Variants in TENM3 observed in about 807,000 individuals in gnomAD.
TENM3 encodes teneurin-3.
TENM3 carries 63 observed loss-of-function variants against 255.1 expected under a neutral mutation model. That is an observed-to-expected ratio of 0.25 (90% CI 0.20 to 0.30). The LOEUF is 0.30. Ranked by LOEUF, TENM3 falls within the 10% of genes least tolerant of loss-of-function variation. The probability of loss-of-function intolerance (pLI) is 1.00; values close to 1 mark genes in which losing one functional copy is unlikely to be tolerated. For missense variants in TENM3, 2,929 were observed against 3,461.1 expected (o/e 0.85, Z 3.86); for synonymous variants, 1,306 against 1,322.3 (o/e 0.99, Z 0.27).
the TENM3 span, among the ~76,000 whole-genome samples, chr4:181,770,446 GGGT>G: frequency 6.6e-6 from 1 of 152,026 alleles, no homozygotes; most frequent in Non-Finnish European, 1.5e-5. Context: ...AGGCCAAGGT[GGGT>G]GGATCACGAG....
chr4:182,744,182 G>A, intron 19 of TENM3: 3 of 938,348 alleles, frequency 3.2e-6, no homozygotes, highest in Non-Finnish European at 3.8e-6. Flanking sequence ...CTTACCTTAA[G>A]GTTATTGTAT....
chr4:181,618,193 C>A, the TENM3 span, among the ~76,000 whole-genome samples: 1 of 152,168 alleles, frequency 6.6e-6, no homozygotes, highest in South Asian at 2.1e-4. Flanking sequence ...TGAGTTCCCG[C>A]AGGCACTCTA....
the TENM3 span, among the ~76,000 whole-genome samples, chr4:181,551,774 G>T: frequency 6.8e-6 from 1 of 146,422 alleles, no homozygotes; most frequent in Non-Finnish European, 1.5e-5. Context: ...GGTTTTATTT[G>T]TTATTTTGTA....
rs149134961 is a variant in TENM3, at chr4:182,285,579, C to G, written c.-75-38367C>G. On this transcript the variant is annotated intron_variant, in intron 1 of 27. Coordinates refer to ENST00000511685, the MANE Select transcript of TENM3 (RefSeq NM_001080477.4). Reference sequence around the variant, plus strand: ...GTATGACCTACAGATTGCAAGTCCTCTAGAAGGTGCATGAGGAAACTGCTC... The same window carrying G: ...GTATGACCTACAGATTGCAAGTCCTGTAGAAGGTGCATGAGGAAACTGCTC... Among the ~76,000 whole-genome samples the G allele has an allele frequency of 1.1e-3, 172 of 152,254 alleles. 2 individuals carry two copies. Among genetic ancestry groups the G allele is most frequent in the African/African-American group, 3.9e-3 (161 of 41,540 alleles).
chr4:182,198,355 C>G (rs1396666847), intron 1 of TENM3, among the ~76,000 whole-genome samples: 2 of 152,154 alleles, frequency 1.3e-5, no homozygotes, highest in African/African-American at 4.8e-5. Flanking sequence ...ATTACTTTTA[C>G]TGAGGGCAGG....
the TENM3 span, among the ~76,000 whole-genome samples, chr4:181,810,766 T>C: frequency 6.6e-6 from 1 of 152,054 alleles, no homozygotes; most frequent in East Asian, 1.9e-4. Flanking sequence ...CTTCCTCAAG[T>C]CAGATTTGCT....
chr4:182,637,176 A>T (rs2152486636), intron 5 of TENM3, among the ~76,000 whole-genome samples: 1 of 152,266 alleles, frequency 6.6e-6, no homozygotes, highest in South Asian at 2.1e-4. Flanking sequence ...TTCAGCATAA[A>T]ACCTTTAAGT....
intron 1 of TENM3, among the ~76,000 whole-genome samples, chr4:182,274,686 A>G (rs567626551): frequency 1.3e-5 from 2 of 152,290 alleles, no homozygotes; most frequent in Admixed American, 1.3e-4. Context: ...AGCTGAGGTC[A>G]TTTGACTTTG....
At chr4:182,392,992 A>G (rs1768542460) in intron 3 of TENM3, among the ~76,000 whole-genome samples, 1 of 152,172 alleles carries the variant, frequency 6.6e-6, no homozygotes, top group African/African-American at 2.4e-5. Flanking sequence ...GAAGTTAAAG[A>G]CTCAATGGAG....
the TENM3 span, among the ~76,000 whole-genome samples, chr4:181,828,127 C>T: frequency 6.6e-6 from 1 of 152,168 alleles, no homozygotes; most frequent in Non-Finnish European, 1.5e-5. Context: ...AACCAAACTT[C>T]CATAGTATCC....
the TENM3 span, among the ~76,000 whole-genome samples, chr4:181,563,432 C>T: frequency 6.6e-6 from 1 of 152,268 alleles, no homozygotes; most frequent in East Asian, 1.9e-4. Flanking sequence ...CTTATCTTGA[C>T]GTAACTAATG....
At chr4:181,736,814 C>T in the TENM3 span, among the ~76,000 whole-genome samples, 3 of 152,052 alleles carry the variant, frequency 2.0e-5, no homozygotes, top group African/African-American at 4.8e-5. Context: ...ACAGCCCCTG[C>T]CATGTTGACA....
the TENM3 span, among the ~76,000 whole-genome samples, chr4:181,572,939 A>G: frequency 7.2e-5 from 11 of 152,042 alleles, no homozygotes; most frequent in East Asian, 1.9e-4. Flanking sequence ...CTCTATCCCC[A>G]TGAGTTCAAT....
chr4:182,485,278 G>A (rs1283336423), intron 3 of TENM3, among the ~76,000 whole-genome samples: 2 of 152,118 alleles, frequency 1.3e-5, no homozygotes, highest in African/African-American at 2.4e-5. Context: ...AGTTGTAAGA[G>A]TATTAACTGG....
At position 182,681,916 on chromosome 4, in the gene TENM3, C is replaced by T. The variant is rs1756206933; in HGVS notation, c.1937C>T (p.Thr646Ile). 1 of 1,613,824 alleles carries T rather than the reference C, an allele frequency of 6.2e-7. No homozygotes were observed. Among genetic ancestry groups the T allele is most frequent in the Non-Finnish European group, 8.5e-7 (1 of 1,179,874 alleles). Residue 646 changes from threonine (T) to isoleucine (I), a missense_variant, in exon 11 of 28, where the codon ACC (threonine) becomes ATC (isoleucine). Thr to Ile is a moderately conservative substitution (Grantham distance 89). Coordinates refer to ENST00000511685, the MANE Select transcript of TENM3 (RefSeq NM_001080477.4). Reference sequence around the variant, plus strand: ...GGTAGCAATTGTGAAATACTGAAGACCATGTGTCCAGACCAGTGCTCCGGC... The same window carrying T: ...GGTAGCAATTGTGAAATACTGAAGATCATGTGTCCAGACCAGTGCTCCGGC... ...WGGSNCEILK[T>I]MCPDQCSGHG...
intron 3 of TENM3, among the ~76,000 whole-genome samples, chr4:182,540,335 A>G (rs924945003): frequency 2.0e-5 from 3 of 152,208 alleles, no homozygotes; most frequent in African/African-American, 4.8e-5. Context: ...CACACCTGTA[A>G]TCCCAACACT....
At chr4:182,798,724 T>C (rs1485102759) in intron 27 of TENM3, among the ~76,000 whole-genome samples, 1 of 152,216 alleles carries the variant, frequency 6.6e-6, no homozygotes, top group East Asian at 1.9e-4. Flanking sequence ...CTAAGCAGCC[T>C]TTTAAATATG....
chr4:182,290,215 G>C (rs1761027664), intron 1 of TENM3, among the ~76,000 whole-genome samples: 1 of 152,212 alleles, frequency 6.6e-6, no homozygotes, highest in Non-Finnish European at 1.5e-5. Context: ...GATGAGTGCT[G>C]TCGACTGAAT....
chr4:182,004,762 C>G, the TENM3 span, among the ~76,000 whole-genome samples: 1 of 152,164 alleles, frequency 6.6e-6, no homozygotes, highest in Non-Finnish European at 1.5e-5. Flanking sequence ...TTAATAATCA[C>G]CATTCTGACT....
Sources: allele counts gnomAD v4.1 joint callset (sites outside exome capture counted in the v4.1 genomes callset), GRCh38; gene constraint gnomAD v4.1.1; transcripts MANE v1.5; gene names NCBI Gene and HGNC (gene_info 2026-07-23, HGNC 2026-07-21).